Variants in B3GLCT observed in about 807,000 individuals in gnomAD.
The protein encoded by B3GLCT is beta-1,3-glucosyltransferase.
Under a neutral mutation model 63.4 loss-of-function variants are expected in B3GLCT, and 65 were observed. The observed-to-expected ratio is 1.03, with a 90% CI of 0.84 to 1.26. The LOEUF is 1.26. Ranked by LOEUF, B3GLCT falls within the 50% of genes most tolerant of loss-of-function variation. B3GLCT has a pLI of 0.00. For missense variants in B3GLCT, 577 were observed against 604.8 expected (o/e 0.95, Z 0.48); for synonymous variants, 233 against 219.2 (o/e 1.06, Z -0.55).
chr13:31,318,490 A>C (rs1036411392), intron 13 of B3GLCT, among the ~76,000 whole-genome samples: 1 of 152,174 alleles, frequency 6.6e-6, no homozygotes, highest in African/African-American at 2.4e-5. Flanking sequence ...GATTTTGTTT[A>C]GCCAATACAG....
intron 3 of B3GLCT, among the ~76,000 whole-genome samples, chr13:31,227,621 A>G (rs1486070455): frequency 6.6e-6 from 1 of 152,230 alleles, no homozygotes; most frequent in Admixed American, 6.5e-5. Flanking sequence ...ATTTCCTTTT[A>G]CATATTTTAT....
intron 2 of B3GLCT, among the ~76,000 whole-genome samples, chr13:31,218,290 A>G (rs1301020841): frequency 6.6e-6 from 1 of 151,208 alleles, no homozygotes; most frequent in African/African-American, 2.4e-5. Flanking sequence ...CCTGGATTCA[A>G]GCGATTCTCC....
intron 1 of B3GLCT, among the ~76,000 whole-genome samples, chr13:31,213,547 A>T (rs950245142): frequency 1.8e-4 from 27 of 149,928 alleles, no homozygotes; most frequent in African/African-American, 6.6e-4. Context: ...AGATTGTGCC[A>T]TTGCAGTCTA....
At chr13:31,240,467 GT>G (rs146603707) in intron 4 of B3GLCT, among the ~76,000 whole-genome samples, 4 of 129,840 alleles carry the variant, frequency 3.1e-5, no homozygotes, top group South Asian at 4.6e-4. Context: ...TGCCTCTTTA[GT>G]TTTTTTTTTC....
intron 1 of B3GLCT, among the ~76,000 whole-genome samples, chr13:31,214,110 C>T (rs1869433475): frequency 6.6e-6 from 1 of 152,164 alleles, no homozygotes; most frequent in Non-Finnish European, 1.5e-5. Context: ...TCCTCTGCCA[C>T]CCAGGGAGCC....
At chr13:31,216,304 T>TTAAAGCAAATATTCCCATTTACAACAA (rs1869559814) in intron 2 of B3GLCT, among the ~76,000 whole-genome samples, 1 of 152,250 alleles carries the variant, frequency 6.6e-6, no homozygotes, top group Non-Finnish European at 1.5e-5. Context: ...CTGTTATTTG[T>TTAAAGCAAATATTCCCATTTACAACAA]TAAAGCAAAT....
At chr13:31,233,829 A>G (rs906316960) in intron 4 of B3GLCT, among the ~76,000 whole-genome samples, 2 of 152,090 alleles carry the variant, frequency 1.3e-5, no homozygotes, top group Non-Finnish European at 2.9e-5. Context: ...TTTTGTTTTC[A>G]TATCAAGGAC....
intron 13 of B3GLCT, among the ~76,000 whole-genome samples, chr13:31,322,575 T>TA (rs1875381699): frequency 6.6e-6 from 1 of 152,204 alleles, no homozygotes; most frequent in South Asian, 2.1e-4. Flanking sequence ...AGCATGCTAA[T>TA]AAACAAGTGT....
intron 11 of B3GLCT, among the ~76,000 whole-genome samples, chr13:31,285,604 T>TA (rs11339832): frequency 0.014 from 1,217 of 84,186 alleles, 44 homozygotes; most frequent in African/African-American, 0.051. Context: ...CTTTTATGAG[T>TA]AAAAAAAAAA....
intron 6 of B3GLCT, among the ~76,000 whole-genome samples, chr13:31,254,231 AG>A (rs1871600877): frequency 6.6e-6 from 1 of 152,224 alleles, no homozygotes; most frequent in Non-Finnish European, 1.5e-5. Context: ...CAATAAAAAG[AG>A]AAAATTTCAG....
intron 14 of B3GLCT, among the ~76,000 whole-genome samples, chr13:31,324,452 G>T (rs1363178767): frequency 6.6e-6 from 1 of 152,156 alleles, no homozygotes; most frequent in Non-Finnish European, 1.5e-5. Context: ...TACCAGGGAC[G>T]GGTAGTGCTT....
At chr13:31,261,122 T>C in intron 7 of B3GLCT, 40 bp downstream of exon 7, 1 of 1,577,592 alleles carries the variant, frequency 6.3e-7, no homozygotes, top group Non-Finnish European at 8.6e-7. Flanking sequence ...GCGGGAGGGG[T>C]GTGCATCAAC....
chr13:31,240,964 A>C (rs1870912114), intron 4 of B3GLCT, among the ~76,000 whole-genome samples: 1 of 152,224 alleles, frequency 6.6e-6, no homozygotes, highest in African/African-American at 2.4e-5. Flanking sequence ...TCTCACTTAA[A>C]TAATACTGTC....
chr13:31,329,612 A>G lies in B3GLCT; in HGVS notation c.1441A>G (p.Ser481Gly), dbSNP rs1875811900. 1.5e-5 allele frequency: 24 copies of G among 1,614,224 alleles called. No homozygotes were observed. Among genetic ancestry groups the G allele is most frequent in the South Asian group, 5.5e-5 (5 of 91,086 alleles). The change falls in exon 15 of 15, where the codon AGT (serine) becomes GGT (glycine). Residue 481 changes from serine to glycine, a missense_variant. Physicochemically the swap from Ser to Gly is moderately conservative, Grantham distance 56. Coordinates refer to ENST00000343307, the MANE Select transcript of B3GLCT (RefSeq NM_194318.4). The stretch of plus-strand genomic sequence containing the variant: ...GGTGTATTTCACATGGTTGGCACCC[A>G]GTGACGAAGACAAAGCCAGGCAGGA... ...VKVYFTWLAP[S>G]DEDKARQETQ...
At chr13:31,220,396 C>A (rs754223314) in intron 2 of B3GLCT, among the ~76,000 whole-genome samples, 2 of 152,148 alleles carry the variant, frequency 1.3e-5, no homozygotes, top group Non-Finnish European at 2.9e-5. Flanking sequence ...AATGGCAAAT[C>A]TCTTTCGTAT....
chr13:31,239,618 G>C (rs940107226), intron 4 of B3GLCT, among the ~76,000 whole-genome samples: 35 of 151,580 alleles, frequency 2.3e-4, no homozygotes, highest in African/African-American at 8.2e-4. Context: ...AAACAGCTCA[G>C]GTTCTAGAGA....
chr13:31,214,654 G>A (rs1869459676), intron 1 of B3GLCT, among the ~76,000 whole-genome samples: 1 of 152,120 alleles, frequency 6.6e-6, no homozygotes, highest in Non-Finnish European at 1.5e-5. Flanking sequence ...TGATTTTGAG[G>A]GTGAGAATCT....
At chr13:31,205,586 G>A (rs1342747738) in intron 1 of B3GLCT, among the ~76,000 whole-genome samples, 1 of 152,008 alleles carries the variant, frequency 6.6e-6, no homozygotes, top group Non-Finnish European at 1.5e-5. Context: ...GGCGGGTCTG[G>A]CTATATTGCC....
intron 4 of B3GLCT, among the ~76,000 whole-genome samples, chr13:31,244,449 G>A (rs1045596786): frequency 3.9e-5 from 6 of 152,106 alleles, no homozygotes; most frequent in South Asian, 2.1e-4. Flanking sequence ...CCGAGATTGC[G>A]CCATTGCACT....
Sources: gnomAD v4.1 joint callset for allele counts (sites outside exome capture counted in the v4.1 genomes callset) on GRCh38, gnomAD v4.1.1 for gene constraint, MANE v1.5 for transcripts, NCBI Gene and HGNC (gene_info 2026-07-23, HGNC 2026-07-21) for gene names.